Variants in SYT1 observed in about 807,000 individuals in gnomAD.
SYT1 encodes synaptotagmin 1.
SYT1 carries 8 observed loss-of-function variants against 44.8 expected under a neutral mutation model. The observed-to-expected ratio is 0.18, with a 90% CI of 0.10 to 0.32. The LOEUF (loss-of-function observed/expected upper bound fraction) is 0.32, where lower values mean the gene tolerates loss of function less well. SYT1 is among the 10% of genes least tolerant of loss of function. The pLI, the probability that SYT1 is intolerant of heterozygous loss-of-function variation, is 1.00. For missense variants in SYT1, 286 were observed against 509.3 expected, an observed-to-expected ratio of 0.56 and a Z score of 4.22; for synonymous variants, 154 against 188.8, an observed-to-expected ratio of 0.82 and a Z score of 1.51.
At chr12:79,079,872 G>A (rs1876909156) in intron 3 of SYT1, among the ~76,000 whole-genome samples, 1 of 152,016 alleles carries the variant, frequency 6.6e-6, no homozygotes, top group African/African-American at 2.4e-5. Context: ...TGGGCCATCT[G>A]TCCTTTGTGC....
At chr12:78,965,954 G>C (rs753465262) in intron 1 of SYT1, among the ~76,000 whole-genome samples, 2 of 151,830 alleles carry the variant, frequency 1.3e-5, no homozygotes, top group Non-Finnish European at 2.9e-5. Context: ...GCAGGCGCCT[G>C]TAATCTCAGC....
chr12:79,186,341 GA>G (rs1872801463), intron 3 of SYT1, among the ~76,000 whole-genome samples: 1 of 151,840 alleles, frequency 6.6e-6, no homozygotes, highest in Non-Finnish European at 1.5e-5. Flanking sequence ...TACTATACTG[GA>G]AAAAGTGTAG....
At chr12:78,898,641 C>T (rs1236010959) in intron 1 of SYT1, among the ~76,000 whole-genome samples, 2 of 152,042 alleles carry the variant, frequency 1.3e-5, no homozygotes, top group Non-Finnish European at 2.9e-5. Context: ...TGCATTGCAA[C>T]CTCAGACAAG....
intron 8 of SYT1, among the ~76,000 whole-genome samples, chr12:79,348,136 T>C (rs1043014951): frequency 1.3e-5 from 2 of 152,094 alleles, no homozygotes; most frequent in African/African-American, 4.8e-5. Context: ...TTATTCTAAG[T>C]AAAAAGGGAA....
In SYT1 at chr12:79,026,417, C is replaced by T. The variant is rs939059466; in HGVS notation, c.-83-20880C>T. Among the ~76,000 whole-genome samples, 3 of 151,084 alleles carry T rather than the reference C, an allele frequency of 2.0e-5. No individual in the cohort carries two copies. The Admixed American group carries it at 2.0e-4, about 10-fold the overall frequency. Reference sequence around the variant, plus strand: ...TATATATTGAACATTGGAAAAAATGCCCATTCTTATCCATTTAACATGTTC... The same window carrying T: ...TATATATTGAACATTGGAAAAAATGTCCATTCTTATCCATTTAACATGTTC... On this transcript the variant is annotated intron_variant, in intron 2 of 10. Transcript: ENST00000261205.
At chr12:79,115,982 T>C (rs1338211130) in intron 3 of SYT1, among the ~76,000 whole-genome samples, 3 of 152,314 alleles carry the variant, frequency 2.0e-5, no homozygotes, top group African/African-American at 7.2e-5. Context: ...TAGATTCTAA[T>C]GATGTGAACA....
chr12:79,097,054 G>A (rs547556535), intron 3 of SYT1, among the ~76,000 whole-genome samples: 38 of 152,062 alleles, frequency 2.5e-4, no homozygotes, highest in African/African-American at 8.4e-4. Flanking sequence ...TTGAATCAGG[G>A]CAGAGAAGAT....
intron 3 of SYT1, among the ~76,000 whole-genome samples, chr12:79,143,020 G>T (rs958105112): frequency 6.6e-6 from 1 of 152,166 alleles, no homozygotes; most frequent in African/African-American, 2.4e-5. Flanking sequence ...ACCCTAGATT[G>T]TCTTCATGTA....
At chr12:79,021,600 A>G (rs1418964490) in intron 2 of SYT1, among the ~76,000 whole-genome samples, 2 of 151,878 alleles carry the variant, frequency 1.3e-5, no homozygotes, top group Non-Finnish European at 1.5e-5. Flanking sequence ...GAACCATAGC[A>G]TCATACAATT....
intron 9 of SYT1, among the ~76,000 whole-genome samples, chr12:79,436,820 C>T (rs1324030867): frequency 1.3e-5 from 2 of 152,154 alleles, no homozygotes; most frequent in Non-Finnish European, 2.9e-5. Context: ...GAATTCAAAA[C>T]ATATTTTGCC....
In SYT1 at chr12:79,335,796, C is replaced by CAT. The variant is rs550912910; in HGVS notation, c.811-17702_811-17701dup. Among the ~76,000 whole-genome samples the CAT allele has an allele frequency of 8.2e-4, 125 of 152,286 alleles. 1 individual carries two copies. The highest frequency in any genetic ancestry group is 2.9e-3 in the African/African-American group (120 of 41,548). ...TCTTCTCATGTGATTTGTCAACACACATATAAAGGACATCTCTGGCTGTTC... is the reference window on the plus strand; with the variant it reads ...TCTTCTCATGTGATTTGTCAACACACATATATAAAGGACATCTCTGGCTGTTC... On this transcript the variant is annotated intron_variant, in intron 8 of 10. Transcript: ENST00000261205.
At chr12:79,007,253 C>T (rs1172402567) in intron 2 of SYT1, among the ~76,000 whole-genome samples, 2 of 152,114 alleles carry the variant, frequency 1.3e-5, no homozygotes, top group Non-Finnish European at 2.9e-5. Flanking sequence ...TCAAGTCCCT[C>T]CTCCTCTGTG....
At chr12:79,155,895 G>GT (rs1870564520) in intron 3 of SYT1, among the ~76,000 whole-genome samples, 1 of 152,164 alleles carries the variant, frequency 6.6e-6, no homozygotes, top group Non-Finnish European at 1.5e-5. Context: ...ATGGGAATTT[G>GT]TTAACAATTA....
chr12:79,437,149 G>C (rs528442058), intron 9 of SYT1, among the ~76,000 whole-genome samples: 31 of 152,308 alleles, frequency 2.0e-4, no homozygotes, highest in African/African-American at 7.2e-4. Context: ...ATGGAGATAT[G>C]ACAATAAGTT....
chr12:79,279,643 G>A (rs1317908042), intron 4 of SYT1, among the ~76,000 whole-genome samples: 1 of 151,982 alleles, frequency 6.6e-6, no homozygotes, highest in African/African-American at 2.4e-5. Context: ...TAGTACTGGA[G>A]GTCTTAGCCA....
At chr12:79,086,301 T>C (rs1592734996) in intron 3 of SYT1, among the ~76,000 whole-genome samples, 1 of 152,094 alleles carries the variant, frequency 6.6e-6, no homozygotes, top group Non-Finnish European at 1.5e-5. Context: ...ACTAATTTTT[T>C]AGCCTCCGTC....
intron 9 of SYT1, among the ~76,000 whole-genome samples, chr12:79,413,999 G>A (rs1020591040): frequency 5.9e-5 from 9 of 152,162 alleles, no homozygotes; most frequent in African/African-American, 2.2e-4. Flanking sequence ...GACTGCTACA[G>A]TGACTCACCT....
At chr12:79,339,680 C>T (rs1413973782) in intron 8 of SYT1, among the ~76,000 whole-genome samples, 1 of 152,126 alleles carries the variant, frequency 6.6e-6, no homozygotes, top group Non-Finnish European at 1.5e-5. Flanking sequence ...TTAATTAGAT[C>T]CCATTTGTCT....
chr12:79,168,311 A>C lies in SYT1; in HGVS notation c.-17-49192A>C, dbSNP rs150234509. ...AGTCCTAACTCAATGGGTTGTTGTAAAGATTCAGCATTATAATCAACACAA... is the reference window on the plus strand; with the variant it reads ...AGTCCTAACTCAATGGGTTGTTGTACAGATTCAGCATTATAATCAACACAA... On this transcript the variant is annotated intron_variant, in intron 3 of 10. Transcript: ENST00000261205. Among the ~76,000 whole-genome samples, 1,076 of 152,168 alleles carry C rather than the reference A, an allele frequency of 7.1e-3. 11 individuals carry two copies. The highest frequency in any genetic ancestry group is 0.024 in the African/African-American group (1,004 of 41,548).
Sources: gnomAD v4.1 joint callset for allele counts (sites outside exome capture counted in the v4.1 genomes callset) on GRCh38, gnomAD v4.1.1 for gene constraint, MANE v1.5 for transcripts, NCBI Gene and HGNC (gene_info 2026-07-23, HGNC 2026-07-21) for gene names.